The following CCSER2 variants were observed in gnomAD, a reference collection of about 807,000 sequenced individuals.
CCSER2 encodes coiled-coil serine rich protein 2.
Under a neutral mutation model 92.3 loss-of-function variants are expected in CCSER2, and 46 were observed. The ratio of observed to expected loss-of-function variants is 0.50; its 90% CI spans 0.39 to 0.64. The LOEUF (loss-of-function observed/expected upper bound fraction) is 0.64, where lower values mean the gene tolerates loss of function less well. Ranked by LOEUF, CCSER2 falls within the 30% of genes least tolerant of loss-of-function variation. CCSER2 has a pLI of 0.00. For synonymous variants in CCSER2, 433 were observed against 431.4 expected (o/e 1.00, Z -0.04); for missense variants, 1,244 against 1,238.9 (o/e 1.00, Z -0.06).
At chr10:84,329,125 G>C (rs1843418004) in intron 1 of CCSER2, among the ~76,000 whole-genome samples, 1 of 152,156 alleles carries the variant, frequency 6.6e-6, no homozygotes, top group East Asian at 1.9e-4. Flanking sequence ...TTCGGAGCCT[G>C]GTTGCGTGTG....
chr10:84,438,366 T>A (rs1267175174), intron 5 of CCSER2, 146 bp from the exon 6 acceptor site: 1 of 522,322 alleles, frequency 1.9e-6, no homozygotes, highest in African/African-American at 1.9e-5. Context: ...TGGAAACACA[T>A]CAGTGACTGA....
chr10:84,399,829 G>T (rs1212721367), intron 3 of CCSER2, among the ~76,000 whole-genome samples: 4 of 133,516 alleles, frequency 3.0e-5, no homozygotes, highest in Non-Finnish European at 6.5e-5. Flanking sequence ...AGATTTCATA[G>T]AGTTTATTTT....
chr10:84,459,360 A>G (rs1311544469), intron 6 of CCSER2, among the ~76,000 whole-genome samples: 1 of 151,918 alleles, frequency 6.6e-6, no homozygotes, highest in Non-Finnish European at 1.5e-5. Flanking sequence ...TTTCTTTCCT[A>G]TTCGTTCGCC....
At chr10:84,396,179 T>A (rs1293817608) in intron 3 of CCSER2, among the ~76,000 whole-genome samples, 1 of 119,576 alleles carries the variant, frequency 8.4e-6, no homozygotes, top group Admixed American at 8.5e-5. Flanking sequence ...TCTTAGTTAT[T>A]CAACACTGTG....
In CCSER2 at chr10:84,517,117, A is replaced by G. The variant is rs958976674; in HGVS notation, c.*2850A>G. 20 of 152,194 alleles carry G rather than the reference A, an allele frequency of 1.3e-4. No individual in the cohort carries two copies. Among genetic ancestry groups the G allele is most frequent in the Non-Finnish European group, 2.5e-4 (17 of 68,020 alleles). The allele number at this position is 152,194 out of a possible 1,614,324, so 9.4% of individuals were successfully genotyped here. ...ACAAACCATTTATTGTCTTAGTTCT[A>G]GTGGTATCAATGAAGATAGTTACAG... On this transcript the variant is annotated 3_prime_UTR_variant, in exon 10 of 10. Coordinates refer to ENST00000372088, the MANE Select transcript of CCSER2 (RefSeq NM_001284240.2).
At position 84,510,016 on chromosome 10, in the gene CCSER2, A is replaced by C. The variant is rs139211475; in HGVS notation, c.2326-3433A>C. 2.8e-3 allele frequency among the ~76,000 whole-genome samples: 427 copies of C among 152,242 alleles called. 3 individuals carry two copies. Among genetic ancestry groups the C allele is most frequent in the African/African-American group, 8.5e-3 (355 of 41,550 alleles). On this transcript the variant is annotated intron_variant, in intron 9 of 9. Coordinates refer to ENST00000372088, the MANE Select transcript of CCSER2 (RefSeq NM_001284240.2). ...TGGTTCCACTGGAGTGATCATTCTA[A>C]AACACACACATTAGATATTCTGATT...
intron 3 of CCSER2, among the ~76,000 whole-genome samples, chr10:84,379,506 T>C (rs754086895): frequency 4.1e-4 from 63 of 152,266 alleles, no homozygotes; most frequent in Non-Finnish European, 7.9e-4. Context: ...ATTTTTAGCC[T>C]TTCTCCCTTC....
chr10:84,379,114 T>G (rs1163012931), intron 3 of CCSER2, among the ~76,000 whole-genome samples: 2 of 152,232 alleles, frequency 1.3e-5, no homozygotes, highest in Non-Finnish European at 2.9e-5. Context: ...CCTGGAGTTT[T>G]CTTTATGAGA....
chr10:84,484,490 C>CAT (rs1554862190), intron 9 of CCSER2, among the ~76,000 whole-genome samples: 77 of 147,398 alleles, frequency 5.2e-4, no homozygotes, highest in African/African-American at 1.9e-3. Context: ...TGTGCATGCA[C>CAT]GTGTGTGTGT....
At chr10:84,387,425 T>C (rs1205402475) in intron 3 of CCSER2, among the ~76,000 whole-genome samples, 1 of 152,232 alleles carries the variant, frequency 6.6e-6, no homozygotes, top group Non-Finnish European at 1.5e-5. Flanking sequence ...TAATTACTCC[T>C]TTCTTCGTAC....
intron 6 of CCSER2, among the ~76,000 whole-genome samples, chr10:84,461,477 A>AT (rs1281947147): frequency 2.0e-5 from 3 of 151,816 alleles, no homozygotes; most frequent in Non-Finnish European, 2.9e-5. Flanking sequence ...GGCTCTGTCA[A>AT]TTTTTTTTGA....
chr10:84,364,201 C>T (rs1845660001), intron 1 of CCSER2, among the ~76,000 whole-genome samples: 1 of 152,218 alleles, frequency 6.6e-6, no homozygotes, highest in South Asian at 2.1e-4. Flanking sequence ...CATCATTGCA[C>T]ACTAGTATAG....
At chr10:84,370,927 T>C (rs1846026786) in intron 1 of CCSER2, 87 bp from the exon 2 acceptor site, 1 of 599,382 alleles carries the variant, frequency 1.7e-6, no homozygotes, top group Middle Eastern at 4.5e-4. Context: ...TTTCTGCGTA[T>C]AAAAGTGTAA....
chr10:84,497,018 A>G (rs944797178), intron 9 of CCSER2, among the ~76,000 whole-genome samples: 4 of 152,320 alleles, frequency 2.6e-5, no homozygotes, highest in East Asian at 1.9e-4. Flanking sequence ...TCTACTCTCT[A>G]TAAGTAAATT....
chr10:84,453,108 A>G (rs1241613563), intron 6 of CCSER2, among the ~76,000 whole-genome samples: 1 of 152,174 alleles, frequency 6.6e-6, no homozygotes, highest in East Asian at 1.9e-4. Context: ...CTTAAACACT[A>G]GTAACTCCTA....
intron 3 of CCSER2, among the ~76,000 whole-genome samples, chr10:84,416,939 G>A (rs1046931754): frequency 3.3e-5 from 5 of 152,050 alleles, no homozygotes; most frequent in Non-Finnish European, 1.5e-5. Context: ...AAAAAAAAAA[G>A]AGTTTTTTAT....
At chr10:84,388,141 C>T (rs1014428782) in intron 3 of CCSER2, among the ~76,000 whole-genome samples, 3 of 152,158 alleles carry the variant, frequency 2.0e-5, no homozygotes, top group East Asian at 1.9e-4. Context: ...GGGATTACAG[C>T]GCTCCTGGCC....
chr10:84,489,830 A>G (rs953607726), intron 9 of CCSER2, among the ~76,000 whole-genome samples: 1 of 152,186 alleles, frequency 6.6e-6, no homozygotes, highest in East Asian at 1.9e-4. Context: ...GTTTCTTCCT[A>G]GCATCGTTGG....
At chr10:84,512,393 T>TGAGA (rs1283477216) in intron 9 of CCSER2, among the ~76,000 whole-genome samples, 2 of 122,276 alleles carry the variant, frequency 1.6e-5, no homozygotes, top group African/African-American at 5.8e-5. Context: ...TGTGTGTGTG[T>TGAGA]GTGAGAGAGA....
Sources: gnomAD v4.1 joint callset for allele counts (sites outside exome capture counted in the v4.1 genomes callset) on GRCh38, gnomAD v4.1.1 for gene constraint, MANE v1.5 for transcripts, NCBI Gene and HGNC (gene_info 2026-07-23, HGNC 2026-07-21) for gene names.